Variants in LHFPL6 observed in about 807,000 individuals in gnomAD.
The protein encoded by LHFPL6 is LHFPL tetraspan subfamily member 6, also known as LHFPL tetraspan subfamily member 6 protein.
LHFPL6 carries 9 observed loss-of-function variants against 20.6 expected under a neutral mutation model. That is an observed-to-expected ratio of 0.44 (90% confidence interval 0.26 to 0.76). The LOEUF is 0.76. Among genes scored for constraint, LHFPL6 ranks in the 30% least tolerant of loss-of-function variants. The pLI is 0.20. For missense variants in LHFPL6, 218 were observed against 253.5 expected (o/e 0.86, Z 0.95); for synonymous variants, 105 against 98.7 (o/e 1.06, Z -0.38).
intron 2 of LHFPL6, among the ~76,000 whole-genome samples, chr13:39,411,779 C>T (rs1468975108): frequency 6.6e-6 from 1 of 152,234 alleles, no homozygotes; most frequent in Non-Finnish European, 1.5e-5. Context: ...TAAATAATGA[C>T]AAGCACTGCC....
chr13:39,416,097 T>C (rs916611377), intron 2 of LHFPL6, among the ~76,000 whole-genome samples: 2 of 152,200 alleles, frequency 1.3e-5, no homozygotes, highest in African/African-American at 4.8e-5. Context: ...TGAGCAAATG[T>C]AAATTGCAAC....
At chr13:39,571,124 T>C (rs1312175722) in intron 2 of LHFPL6, among the ~76,000 whole-genome samples, 1 of 152,220 alleles carries the variant, frequency 6.6e-6, no homozygotes, top group Non-Finnish European at 1.5e-5. Context: ...TTTCAATAAA[T>C]GTTTGTGACC....
chr13:39,418,611 T>A (rs145603053), intron 2 of LHFPL6, among the ~76,000 whole-genome samples: 88 of 152,278 alleles, frequency 5.8e-4, no homozygotes, highest in African/African-American at 2.0e-3. Flanking sequence ...AAGATTATCA[T>A]CCACTTTAAA....
chr13:39,479,038 GAT>G (rs745754105), intron 2 of LHFPL6, among the ~76,000 whole-genome samples: 1,336 of 99,204 alleles, frequency 0.013, 12 homozygotes, highest in East Asian at 0.04. Context: ...GATAGATATA[GAT>G]AGATAGATAG....
intron 2 of LHFPL6, among the ~76,000 whole-genome samples, chr13:39,424,535 A>C (rs1871589428): frequency 6.6e-6 from 1 of 152,194 alleles, no homozygotes; most frequent in South Asian, 2.1e-4. Context: ...AGGGCACCCG[A>C]GTAAAGGAAA....
intron 1 of LHFPL6, among the ~76,000 whole-genome samples, chr13:39,602,647 G>A (rs1249235027): frequency 6.6e-6 from 1 of 152,188 alleles, no homozygotes; most frequent in Non-Finnish European, 1.5e-5. Context: ...CTAAAAGGGG[G>A]CAAGAGGCAT....
Position 39,554,761 on chromosome 13 carries a change from C to T in LHFPL6, c.385+46071G>A, listed in dbSNP as rs1052965302. On this transcript the variant is annotated intron_variant, in intron 2 of 3. Coordinates refer to ENST00000379589, the MANE Select transcript of LHFPL6 (RefSeq NM_005780.3). ...CAGCCATTCACATCCCCATCTACTG[C>T]CCTTGGGTAGATCTGTCCTTTTCCC... Among the ~76,000 whole-genome samples the T allele has an allele frequency of 3.3e-5, 5 of 152,316 alleles. No individual in the cohort carries two copies. In the South Asian group the frequency reaches 1.0e-3, roughly 32 times the overall value.
intron 2 of LHFPL6, among the ~76,000 whole-genome samples, chr13:39,434,863 T>A (rs1232611296): frequency 6.6e-6 from 1 of 151,812 alleles, no homozygotes; most frequent in Non-Finnish European, 1.5e-5. Flanking sequence ...GAGACCATCC[T>A]GGCTAACAAG....
At chr13:39,384,273 A>T (rs990597258) in intron 2 of LHFPL6, among the ~76,000 whole-genome samples, 1 of 152,220 alleles carries the variant, frequency 6.6e-6, no homozygotes, top group Non-Finnish European at 1.5e-5. Flanking sequence ...GCCTTTAAGC[A>T]TGCCTGTGGT....
At chr13:39,596,256 C>A (rs1872767864) in intron 2 of LHFPL6, among the ~76,000 whole-genome samples, 1 of 151,896 alleles carries the variant, frequency 6.6e-6, no homozygotes, top group Admixed American at 6.6e-5. Context: ...AGCAGCAGAC[C>A]CCCTTTATAG....
chr13:39,426,201 CTTTCT>C (rs763114099), intron 2 of LHFPL6, among the ~76,000 whole-genome samples: 11 of 151,206 alleles, frequency 7.3e-5, no homozygotes, highest in African/African-American at 1.5e-4. Flanking sequence ...CTCTAATTTA[CTTTCT>C]TTTCTTTTTT....
chr13:39,502,387 T>C (rs1396542259), intron 2 of LHFPL6, among the ~76,000 whole-genome samples: 1 of 151,272 alleles, frequency 6.6e-6, no homozygotes, highest in Admixed American at 6.6e-5. Flanking sequence ...GAGAGGCCAA[T>C]GCGGCAGGAT....
intron 2 of LHFPL6, among the ~76,000 whole-genome samples, chr13:39,476,870 T>G (rs965146450): frequency 6.6e-6 from 1 of 152,230 alleles, no homozygotes; most frequent in African/African-American, 2.4e-5. Flanking sequence ...TGTGGGTTTT[T>G]GGGGCCTCAT....
chr13:39,457,266 A>G (rs1397125903), intron 2 of LHFPL6, among the ~76,000 whole-genome samples: 1 of 152,268 alleles, frequency 6.6e-6, no homozygotes, highest in African/African-American at 2.4e-5. Context: ...TGTATCTACA[A>G]TATACGAAGA....
chr13:39,400,861 T>C (rs1294723201), intron 2 of LHFPL6, among the ~76,000 whole-genome samples: 1 of 150,286 alleles, frequency 6.7e-6, no homozygotes, highest in African/African-American at 2.4e-5. Flanking sequence ...CCAAAATGCC[T>C]GTTAGCATCA....
chr13:39,547,405 A>G (rs1487535596), intron 2 of LHFPL6, among the ~76,000 whole-genome samples: 1 of 152,056 alleles, frequency 6.6e-6, no homozygotes, highest in Non-Finnish European at 1.5e-5. Context: ...AATTTGCTGA[A>G]CCTTTTAATC....
chr13:39,504,181 T>C (rs1351216665), intron 2 of LHFPL6, among the ~76,000 whole-genome samples: 1 of 152,226 alleles, frequency 6.6e-6, no homozygotes, highest in East Asian at 1.9e-4. Context: ...AATAATGTTT[T>C]AAAGCATATA....
intron 2 of LHFPL6, among the ~76,000 whole-genome samples, chr13:39,520,808 T>C (rs936128862): frequency 3.9e-5 from 6 of 152,170 alleles, no homozygotes; most frequent in African/African-American, 1.4e-4. Flanking sequence ...GACTGCACAT[T>C]AGAATCACTG....
At chr13:39,460,648 G>A (rs1339701345) in intron 2 of LHFPL6, among the ~76,000 whole-genome samples, 1 of 152,192 alleles carries the variant, frequency 6.6e-6, no homozygotes, top group African/African-American at 2.4e-5. Context: ...TATTTTGAGA[G>A]TCATGCTCCT....
Sources: gnomAD v4.1 joint callset for allele counts (sites outside exome capture counted in the v4.1 genomes callset) on GRCh38, gnomAD v4.1.1 for gene constraint, MANE v1.5 for transcripts, NCBI Gene and HGNC (gene_info 2026-07-23, HGNC 2026-07-21) for gene names.